Variants in USP22 observed in about 807,000 individuals in gnomAD.
The protein encoded by USP22 is ubiquitin specific peptidase 22.
In USP22, 22 loss-of-function variants were observed where a neutral mutation model predicts 68.1. The observed-to-expected ratio is 0.32, with a 90% CI of 0.23 to 0.46. The LOEUF (loss-of-function observed/expected upper bound fraction) is 0.46, where lower values mean the gene tolerates loss of function less well. Among genes scored for constraint, USP22 ranks in the 20% least tolerant of loss-of-function variants. The pLI is 1.00. For missense variants in USP22, 433 were observed against 695.8 expected, an observed-to-expected ratio of 0.62 and a Z score of 4.25; for synonymous variants, 279 against 274.2, an observed-to-expected ratio of 1.02 and a Z score of -0.17.
chr17:21,003,159 G>T, intron 12 of USP22, 86 bp from the exon 13 acceptor site: 1 of 1,502,492 alleles, frequency 6.7e-7, no homozygotes, highest in South Asian at 1.1e-5. Flanking sequence ...AAGCCTACGT[G>T]CTCTGCGCTC....
At chr17:21,013,347 G>A (rs1029178336) in intron 6 of USP22, among the ~76,000 whole-genome samples, 4 of 152,152 alleles carry the variant, frequency 2.6e-5, no homozygotes, top group African/African-American at 9.7e-5. Flanking sequence ...TAGGTATCAT[G>A]GTGCCCCAAG....
At chr17:21,007,172 T>A (rs1727787436) in intron 9 of USP22, among the ~76,000 whole-genome samples, 185 bp from the exon 10 acceptor site, 2 of 152,194 alleles carry the variant, frequency 1.3e-5, no homozygotes. Context: ...AAGTCCTCAT[T>A]TACAGGGTTC....
Position 21,042,757 on chromosome 17 carries a change from C to G in USP22, c.79G>C (p.Gly27Arg), listed in dbSNP as rs905102588. 3 of 1,499,164 alleles carry G rather than the reference C, an allele frequency of 2.0e-6. No individual in the cohort carries two copies. The highest frequency in any genetic ancestry group is 1.3e-5 in the South Asian group (1 of 79,220). The allele number at this position is 1,499,164 out of a possible 1,614,324, so 92.9% of individuals were successfully genotyped here. ...TTCCAGTTGTCCACCTTGAAGCTGC[C>G]CAGGTGCGAGCAGCCCGGCGGCGCT... Reference protein sequence around the residue: ...AVAPPGCSHLGSFKVDNWKQN... With the variant: ...AVAPPGCSHLRSFKVDNWKQN... Residue 27 changes from glycine to arginine, a missense_variant, in exon 1 of 13, where the codon GGC becomes CGC. Gly to Arg is a moderately radical substitution (Grantham distance 125, BLOSUM62 -2). Transcript: ENST00000261497.
At chr17:21,017,292 C>G (rs1010098962) in intron 5 of USP22, among the ~76,000 whole-genome samples, 2 of 152,200 alleles carry the variant, frequency 1.3e-5, no homozygotes, top group African/African-American at 4.8e-5. Flanking sequence ...GGCTCCTGTG[C>G]AAGGCACCTG....
intron 1 of USP22, among the ~76,000 whole-genome samples, chr17:21,029,424 T>A (rs999104937): frequency 2.0e-5 from 3 of 152,202 alleles, no homozygotes; most frequent in Admixed American, 6.5e-5. Flanking sequence ...TCAGATTTTT[T>A]AAAAAAGAAA....
intron 8 of USP22, 72 bp downstream of exon 8, chr17:21,011,079 G>C: frequency 6.6e-7 from 1 of 1,512,228 alleles, no homozygotes; most frequent in Non-Finnish European, 8.8e-7. Context: ...AAAGAGCCCT[G>C]CTTTGGTCCT....
At chr17:21,021,502 G>T (rs1972156129) in intron 2 of USP22, among the ~76,000 whole-genome samples, 1 of 152,168 alleles carries the variant, frequency 6.6e-6, no homozygotes. Context: ...CCAGGATCAG[G>T]ACCTCTGCCA....
chr17:21,041,594 T>C (rs1297428250), intron 1 of USP22, among the ~76,000 whole-genome samples: 1 of 152,108 alleles, frequency 6.6e-6, no homozygotes, highest in Non-Finnish European at 1.5e-5. Flanking sequence ...CGAGACTTCG[T>C]CTCAAAAAAA....
At chr17:21,036,524 G>GA (rs1972359618) in intron 1 of USP22, among the ~76,000 whole-genome samples, 1 of 144,060 alleles carries the variant, frequency 6.9e-6, no homozygotes, top group African/African-American at 2.5e-5. Flanking sequence ...ACTGTAAGGG[G>GA]GGGGGGGGTC....
intron 1 of USP22, among the ~76,000 whole-genome samples, chr17:21,030,294 C>G (rs1972272312): frequency 6.6e-6 from 1 of 152,166 alleles, no homozygotes; most frequent in South Asian, 2.1e-4. Flanking sequence ...AGTACTGATG[C>G]ACCTATCCCT....
At chr17:21,006,371 G>GTGGAT (rs1270320890) in intron 10 of USP22, 3 of 137,944 alleles carry the variant, frequency 2.2e-5, no homozygotes, top group Non-Finnish European at 4.7e-5. Flanking sequence ...CGGTTTGAAA[G>GTGGAT]TGGATTGATA....
intron 2 of USP22, among the ~76,000 whole-genome samples, chr17:21,024,431 C>A (rs1388410302): frequency 1.3e-5 from 2 of 152,190 alleles, no homozygotes; most frequent in Non-Finnish European, 2.9e-5. Context: ...ATCCACAAGG[C>A]ATCAGGACCA....
intron 6 of USP22, 189 bp downstream of exon 6, chr17:21,015,563 A>T: frequency 1.3e-6 from 1 of 750,074 alleles, no homozygotes; most frequent in Non-Finnish European, 2.0e-6. Context: ...AAAATAAACT[A>T]GGAGGAGCCT....
intron 7 of USP22, among the ~76,000 whole-genome samples, 179 bp downstream of exon 7, chr17:21,012,651 C>T (rs1335178049): frequency 1.3e-5 from 2 of 151,636 alleles, no homozygotes; most frequent in African/African-American, 2.4e-5. Context: ...ACCTGCCCTA[C>T]GACCTCCCCA....
intron 1 of USP22, among the ~76,000 whole-genome samples, chr17:21,037,532 G>A (rs1972372727): frequency 6.6e-6 from 1 of 152,080 alleles, no homozygotes; most frequent in Admixed American, 6.5e-5. Flanking sequence ...TGAATCATGA[G>A]AAAAACATCA....
rs759110404 is a variant in USP22, at chr17:21,011,200, C to T, written c.1054G>A (p.Gly352Arg). The change falls in exon 8 of 13, where the codon GGG becomes AGG. Residue 352 changes from glycine to arginine, a missense_variant. This residue lies in a region of USP22 where 178 missense variants were observed against 351.5 expected (regional missense o/e 0.51). Coordinates refer to ENST00000261497, the MANE Select transcript of USP22 (RefSeq NM_015276.2). ...GTGGTTCCCGACACGTGGCTTTCCC[C>T]GTTTACCACGTTGCCCTCGCTCCCT... ...SPGSEGNVVN[G>R]ESHVSGTTTL... 5 of 1,612,470 alleles carry T rather than the reference C, an allele frequency of 3.1e-6. No homozygotes were observed. Among genetic ancestry groups the T allele is most frequent in the South Asian group, 2.2e-5 (2 of 90,818 alleles).
rs761436916 is a variant in USP22 at position 21,042,798 on chromosome 17, T to TCCATGG, written c.32_37dup (p.Ala11_Met12dup). The TCCATGG allele has an allele frequency of 1.3e-5, 19 of 1,474,718 alleles. No homozygotes were observed. In the East Asian group the frequency reaches 2.0e-4, roughly 15 times the overall value. The allele number at this position is 1,474,718 out of a possible 1,614,324, so 91.4% of individuals were successfully genotyped here. A position where few individuals can be genotyped will look rare whatever the true frequency, so the allele number is the denominator to read the frequency against. ...CGGCGGCGCTACCGCCAGCTCGGCG[T>TCCATGG]CCATGGCCTCGCCCTCGGGCTCTGG... On this transcript the variant is annotated inframe_insertion, in exon 1 of 13. Transcript: ENST00000261497.
chr17:21,039,521 G>A (rs1039387140), intron 1 of USP22, among the ~76,000 whole-genome samples: 7 of 152,146 alleles, frequency 4.6e-5, no homozygotes, highest in Middle Eastern at 3.4e-3. Flanking sequence ...CCGAGATCAC[G>A]CCATTGCCCT....
intron 5 of USP22, among the ~76,000 whole-genome samples, chr17:21,016,774 T>C (rs1972088125): frequency 6.6e-6 from 1 of 152,140 alleles, no homozygotes; most frequent in Non-Finnish European, 1.5e-5. Flanking sequence ...GTCTGGGGAC[T>C]GGGGGTTGAC....
Sources: allele counts gnomAD v4.1 joint callset (sites outside exome capture counted in the v4.1 genomes callset), GRCh38; gene constraint gnomAD v4.1.1; regional missense constraint gnomAD v4.1.1; transcripts MANE v1.5; gene names NCBI Gene and HGNC (gene_info 2026-07-23, HGNC 2026-07-21).